LONP2: variants seen among roughly 807,000 people sequenced by gnomAD.
LONP2 encodes the protein lon protease homolog 2, peroxisomal.
LONP2 carries 60 observed loss-of-function variants against 85.6 expected under a neutral mutation model. The observed-to-expected ratio is 0.70, with a 90% CI of 0.57 to 0.87. The LOEUF is 0.87. Ranked by LOEUF, LONP2 falls within the 40% of genes least tolerant of loss-of-function variation. The probability of loss-of-function intolerance (pLI) is 0.00; values close to 1 mark genes in which losing one functional copy is unlikely to be tolerated. For missense variants in LONP2, 860 were observed against 1,063.5 expected, an observed-to-expected ratio of 0.81 and a Z score of 2.66; for synonymous variants, 395 against 389.7, an observed-to-expected ratio of 1.01 and a Z score of -0.16.
At chr16:48,339,635 CGATA>C (rs1442855389) in intron 12 of LONP2, among the ~76,000 whole-genome samples, 1 of 151,980 alleles carries the variant, frequency 6.6e-6, no homozygotes, top group Non-Finnish European at 1.5e-5. Context: ...AGCAGTGGTA[CGATA>C]GAAACAAAGT....
At chr16:48,262,990 A>G (rs1971909601) in intron 6 of LONP2, 118 bp downstream of exon 6, 2 of 669,610 alleles carry the variant, frequency 3.0e-6, no homozygotes, top group Admixed American at 3.1e-5. Context: ...TTTGTTTTCA[A>G]TTTTTTTGAA....
intron 11 of LONP2, among the ~76,000 whole-genome samples, chr16:48,315,984 T>TTA (rs1210149020): frequency 6.8e-6 from 1 of 146,608 alleles, no homozygotes; most frequent in Non-Finnish European, 1.5e-5. Context: ...TTTTTTTTTT[T>TTA]ACTTTTAGAA....
chr16:48,299,482 T>C (rs569588497), intron 9 of LONP2, among the ~76,000 whole-genome samples, 180 bp from the exon 10 acceptor site: 1 of 151,138 alleles, frequency 6.6e-6, no homozygotes, highest in South Asian at 2.1e-4. Context: ...CTCGGGAGGG[T>C]GAGGCAGGAG....
chr16:48,295,936 C>A (rs1972658459), intron 8 of LONP2, 79 bp from the exon 9 acceptor site: 1 of 1,340,496 alleles, frequency 7.5e-7, no homozygotes, highest in Admixed American at 1.9e-5. Context: ...CTTGCCAGTA[C>A]ATCATGTGTG....
At chr16:48,317,036 T>C (rs1183019655) in intron 11 of LONP2, among the ~76,000 whole-genome samples, 3 of 152,210 alleles carry the variant, frequency 2.0e-5, no homozygotes, top group Non-Finnish European at 4.4e-5. Context: ...GTTTGGGTCT[T>C]ATTACTGGGA....
At chr16:48,358,936 CAA>C (rs1193009884), downstream of LONP2, among the ~76,000 whole-genome samples, 2 of 152,174 alleles carry the variant, frequency 1.3e-5, no homozygotes, top group African/African-American at 4.8e-5. Context: ...ACTTTATAAT[CAA>C]AACACTTAAT....
At chr16:48,303,083 A>C in intron 10 of LONP2, 89 bp from the exon 11 acceptor site, 2 of 1,439,964 alleles carry the variant, frequency 1.4e-6, no homozygotes, top group South Asian at 2.5e-5. Flanking sequence ...TTAAATGTAC[A>C]CTGTTTTACC....
intron 14 of LONP2, among the ~76,000 whole-genome samples, chr16:48,350,386 C>CA (rs71380339): frequency 0.28 from 35,204 of 127,460 alleles, 4,655 homozygotes; most frequent in Non-Finnish European, 0.35. Flanking sequence ...AAGACTGTCT[C>CA]AAAAAAAAAA....
At chr16:48,315,592 C>T (rs998369898) in intron 11 of LONP2, among the ~76,000 whole-genome samples, 1 of 152,168 alleles carries the variant, frequency 6.6e-6, no homozygotes, top group Non-Finnish European at 1.5e-5. Context: ...CTACTGACCT[C>T]TTAAAAGTCT....
At chr16:48,347,821 A>C (rs915481893) in intron 13 of LONP2, 107 bp downstream of exon 13, 2 of 1,092,336 alleles carry the variant, frequency 1.8e-6, no homozygotes, top group African/African-American at 1.6e-5. Flanking sequence ...AGCAAAGTAC[A>C]CACCGTTTTG....
intron 11 of LONP2, among the ~76,000 whole-genome samples, chr16:48,303,919 C>A (rs1004713918): frequency 6.6e-6 from 1 of 152,192 alleles, no homozygotes; most frequent in African/African-American, 2.4e-5. Context: ...TTATTCTAGC[C>A]ATGCTGGAAG....
intron 7 of LONP2, among the ~76,000 whole-genome samples, chr16:48,275,148 A>G (rs1470955173): frequency 6.6e-6 from 1 of 152,188 alleles, no homozygotes; most frequent in Non-Finnish European, 1.5e-5. Context: ...TGGAAAGCTC[A>G]CTGTGTGCCA....
At chr16:48,338,795 C>T (rs1049903432) in intron 12 of LONP2, among the ~76,000 whole-genome samples, 1 of 152,078 alleles carries the variant, frequency 6.6e-6, no homozygotes, top group Non-Finnish European at 1.5e-5. Flanking sequence ...GTAGTCACAA[C>T]TACTTGGGAG....
intron 1 of LONP2, among the ~76,000 whole-genome samples, chr16:48,250,201 A>G (rs944018000): frequency 1.3e-4 from 20 of 151,318 alleles, no homozygotes; most frequent in Admixed American, 2.0e-4. Flanking sequence ...AAAACAAACA[A>G]AAAAACCACA....
intron 11 of LONP2, among the ~76,000 whole-genome samples, chr16:48,333,517 C>A (rs1404997244): frequency 1.3e-5 from 2 of 152,046 alleles, no homozygotes; most frequent in African/African-American, 2.4e-5. Context: ...AAACAGGACA[C>A]CTGGCTGGGT....
At chr16:48,310,303 T>C (rs1973003421) in intron 11 of LONP2, among the ~76,000 whole-genome samples, 1 of 152,068 alleles carries the variant, frequency 6.6e-6, no homozygotes, top group Admixed American at 6.6e-5. Context: ...GCATGAGGTT[T>C]TGTTCCAGTC....
chr16:48,271,522 T>A (rs1972105392), intron 7 of LONP2, among the ~76,000 whole-genome samples: 1 of 152,180 alleles, frequency 6.6e-6, no homozygotes, highest in Admixed American at 6.5e-5. Context: ...TTCAGAAACT[T>A]TTCTATAAGA....
chr16:48,333,230 G>A (rs1223774893), intron 11 of LONP2, among the ~76,000 whole-genome samples: 4 of 152,108 alleles, frequency 2.6e-5, no homozygotes, highest in Non-Finnish European at 4.4e-5. Flanking sequence ...AAGATGGTCC[G>A]ATAAGTCAAT....
At chr16:48,310,292 T>A (rs1315104113) in intron 11 of LONP2, among the ~76,000 whole-genome samples, 1 of 152,048 alleles carries the variant, frequency 6.6e-6, no homozygotes, top group Non-Finnish European at 1.5e-5. Flanking sequence ...TTAATACTGA[T>A]GCATGAGGTT....
Sources: allele counts gnomAD v4.1 joint callset (sites outside exome capture counted in the v4.1 genomes callset), GRCh38; gene constraint gnomAD v4.1.1; transcripts MANE v1.5; gene names NCBI Gene and HGNC (gene_info 2026-07-23, HGNC 2026-07-21).